HADHB: variants seen among roughly 807,000 people sequenced by gnomAD.
The protein encoded by HADHB is hydroxyacyl-CoA dehydrogenase trifunctional multienzyme complex subunit beta.
In HADHB, 50 loss-of-function variants were observed where a neutral mutation model predicts 61.9. That is an observed-to-expected ratio of 0.81 (90% CI 0.64 to 1.02). The LOEUF (loss-of-function observed/expected upper bound fraction) is 1.02. HADHB is among the 50% of genes least tolerant of loss of function. The pLI is 0.00. For missense variants in HADHB, 504 were observed against 586.5 expected, an observed-to-expected ratio of 0.86 and a Z score of 1.45; for synonymous variants, 191 against 201.6, an observed-to-expected ratio of 0.95 and a Z score of 0.45.
At chr2:26,277,219 AT>A in intron 7 of HADHB, 59 bp downstream of exon 7, 1 of 692,218 alleles carries the variant, frequency 1.4e-6, no homozygotes, top group Non-Finnish European at 2.5e-6. Context: ...CTTTTACTTG[AT>A]TATAAAAATG....
chr2:26,273,751 G>T lies in HADHB; in HGVS notation c.354+1G>T. 6.7e-7 allele frequency: 1 copy of T among 1,502,830 alleles called. No homozygotes were observed. Among genetic ancestry groups the T allele is most frequent in the Non-Finnish European group, 9.3e-7 (1 of 1,078,600 alleles). 93.1% of individuals were successfully genotyped at this position (1,502,830 alleles called of 1,614,324 possible). ...GAAAACAAGCAATGTGGCTAGAGAG[G>T]TGAGTAAAACAAACTTTATGTTGTT... On this transcript the variant is annotated splice_donor_variant, in intron 6 of 15. Coordinates refer to ENST00000317799, the MANE Select transcript of HADHB (RefSeq NM_000183.3). LOFTEE classifies it high-confidence loss of function.
intron 9 of HADHB, 58 bp downstream of exon 9, chr2:26,279,373 A>C: frequency 1.3e-5 from 16 of 1,190,050 alleles, no homozygotes; most frequent in East Asian, 2.3e-5. Flanking sequence ...CCTAAAACTC[A>C]AAAACATCCC....
chr2:26,288,604 G>A (rs1425409062), intron 15 of HADHB, among the ~76,000 whole-genome samples: 1 of 151,590 alleles, frequency 6.6e-6, no homozygotes, highest in Non-Finnish European at 1.5e-5. Context: ...AGCTACTCGG[G>A]AGGCTGAGGT....
intron 1 of HADHB, among the ~76,000 whole-genome samples, chr2:26,251,850 A>G (rs568273002): frequency 6.6e-6 from 1 of 152,276 alleles, no homozygotes; most frequent in East Asian, 1.9e-4. Flanking sequence ...TGTATTATCT[A>G]TTTCTGTGTA....
chr2:26,279,608 G>A (rs1352465637), intron 9 of HADHB, among the ~76,000 whole-genome samples: 4 of 151,050 alleles, frequency 2.6e-5, no homozygotes, highest in Non-Finnish European at 4.4e-5. Flanking sequence ...GGTCAACAGC[G>A]TGAGACTTCA....
intron 5 of HADHB, among the ~76,000 whole-genome samples, chr2:26,273,318 G>C (rs13016807): frequency 0.17 from 26,271 of 151,578 alleles, 2,737 homozygotes; most frequent in Middle Eastern, 0.26. Flanking sequence ...TTGAATATTT[G>C]TCTCTCTTTT....
chr2:26,258,972 C>A (rs1036153310), intron 3 of HADHB, among the ~76,000 whole-genome samples: 9 of 152,252 alleles, frequency 5.9e-5, no homozygotes, highest in Middle Eastern at 6.8e-3. Flanking sequence ...AATTCTTAGT[C>A]GGCCTAGGAA....
chr2:26,257,321 C>G (rs1006731757), intron 3 of HADHB, among the ~76,000 whole-genome samples: 5 of 151,756 alleles, frequency 3.3e-5, no homozygotes, highest in African/African-American at 1.2e-4. Context: ...GGGGTGTCAC[C>G]GTGTTAGCCA....
chr2:26,267,502 T>C (rs986122219), intron 4 of HADHB, among the ~76,000 whole-genome samples: 4 of 152,172 alleles, frequency 2.6e-5, no homozygotes, highest in African/African-American at 9.7e-5. Context: ...TAATCTGATA[T>C]AAATAAGTGA....
intron 10 of HADHB, among the ~76,000 whole-genome samples, 177 bp downstream of exon 10, chr2:26,280,292 G>A (rs528882691): frequency 2.0e-5 from 3 of 151,986 alleles, no homozygotes; most frequent in East Asian, 1.9e-4. Flanking sequence ...TTTAAGGCCC[G>A]AGAAGTCACC....
chr2:26,245,459 G>T (rs926457929), intron 1 of HADHB: 2 of 151,788 alleles, frequency 1.3e-5, no homozygotes, highest in African/African-American at 4.8e-5. Context: ...GACCTTTCGG[G>T]GCTTGAGTGT....
At chr2:26,270,611 T>A (rs1411415375) in intron 5 of HADHB, among the ~76,000 whole-genome samples, 1 of 152,200 alleles carries the variant, frequency 6.6e-6, no homozygotes, top group Non-Finnish European at 1.5e-5. Flanking sequence ...AGCAGTTGTT[T>A]CTGTTTCCTT....
At position 26,283,044 on chromosome 2, in the gene HADHB, T is replaced by C. The variant is rs1672863278; in HGVS notation, c.1054T>C (p.Leu352=). 6.2e-7 allele frequency: 1 copy of C among 1,604,920 alleles called. No individual in the cohort carries two copies. Among genetic ancestry groups the C allele is most frequent in the Non-Finnish European group, 8.5e-7 (1 of 1,171,566 alleles). Residue 352 remains leucine, a synonymous_variant, in exon 12 of 16, where the codon TTA becomes CTA. Transcript: ENST00000317799. ...YVSQDPKDQL[L]LGPTYATPKV... is the part of the protein sequence containing the mutation. Reference sequence around the variant, plus strand: ...GTCTCAGGATCCAAAAGATCAACTATTACTTGGGTAGGTAGCAGTTTGTAT... The same window carrying C: ...GTCTCAGGATCCAAAAGATCAACTACTACTTGGGTAGGTAGCAGTTTGTAT...
intron 6 of HADHB, among the ~76,000 whole-genome samples, chr2:26,274,661 T>C (rs1214425459): frequency 6.6e-6 from 1 of 152,186 alleles, no homozygotes; most frequent in African/African-American, 2.4e-5. Context: ...AATTTTTTGT[T>C]TTTCCTTGAA....
In HADHB at chr2:26,279,232, A is replaced by C. The variant is rs1370902789; in HGVS notation, c.728A>C (p.Glu243Ala). 6.8e-6 allele frequency: 11 copies of C among 1,613,402 alleles called. No individual in the cohort carries two copies. Among genetic ancestry groups the C allele is most frequent in the Non-Finnish European group, 9.3e-6 (11 of 1,179,366 alleles). ...AFAVSRLEQD[E>A]YALRSHSLAK... ...GCTGTTTCTCGGCTGGAACAGGATG[A>C]ATATGCACTGCGCTCTCACAGTCTA... The change falls in exon 9 of 16, where the codon GAA (glutamate) becomes GCA (alanine). Residue 243 changes from glutamate (E) to alanine (A), a missense_variant. Coordinates refer to ENST00000317799, the MANE Select transcript of HADHB (RefSeq NM_000183.3).
chr2:26,267,702 G>A (rs1313912029), intron 4 of HADHB, among the ~76,000 whole-genome samples: 3 of 150,538 alleles, frequency 2.0e-5, no homozygotes, highest in African/African-American at 7.3e-5. Context: ...AACCCGGGAG[G>A]CAGAGGTTGC....
chr2:26,281,787 GC>G (rs66598682), intron 10 of HADHB, among the ~76,000 whole-genome samples: 1,901 of 152,296 alleles, frequency 0.012, 43 homozygotes, highest in African/African-American at 0.041. Context: ...CCTATTGGTG[GC>G]TACACAGTCT....
At chr2:26,248,647 G>T (rs1412088727) in intron 1 of HADHB, among the ~76,000 whole-genome samples, 1 of 152,194 alleles carries the variant, frequency 6.6e-6, no homozygotes, top group Non-Finnish European at 1.5e-5. Flanking sequence ...GTGTATGGAA[G>T]TGCCTATTTA....
At chr2:26,276,290 T>C (rs1271048460) in intron 6 of HADHB, among the ~76,000 whole-genome samples, 4 of 152,186 alleles carry the variant, frequency 2.6e-5, no homozygotes, top group African/African-American at 9.6e-5. Context: ...AGATGACAAA[T>C]TATTCTCTTT....
Sources: allele counts gnomAD v4.1 joint callset (sites outside exome capture counted in the v4.1 genomes callset), GRCh38; gene constraint gnomAD v4.1.1; transcripts MANE v1.5; gene names NCBI Gene and HGNC (gene_info 2026-07-23, HGNC 2026-07-21).